Variants in GALNT13 observed in about 807,000 individuals in gnomAD.
GALNT13 encodes the protein UDP-GalNAc:polypeptide N-acetylgalactosaminyltransferase 13.
Under a neutral mutation model 64.2 loss-of-function variants are expected in GALNT13, and 28 were observed. That is an observed-to-expected ratio of 0.44 (90% CI 0.32 to 0.60). GALNT13 has a LOEUF of 0.60. Among genes scored for constraint, GALNT13 ranks in the 20% least tolerant of loss-of-function variants. The pLI, the probability that GALNT13 is intolerant of heterozygous loss-of-function variation, is 0.05. For synonymous variants in GALNT13, 214 were observed against 224.6 expected (o/e 0.95, Z 0.42); for missense variants, 577 against 669.8 (o/e 0.86, Z 1.53).
chr2:153,354,707 T>G, the GALNT13 span, among the ~76,000 whole-genome samples: 1 of 152,158 alleles, frequency 6.6e-6, no homozygotes, highest in Non-Finnish European at 1.5e-5. Flanking sequence ...CCCAGCATTT[T>G]TTGGTCCAGT....
intron 8 of GALNT13, among the ~76,000 whole-genome samples, chr2:154,261,209 A>C (rs1690676322): frequency 6.6e-6 from 1 of 152,176 alleles, no homozygotes; most frequent in Non-Finnish European, 1.5e-5. Flanking sequence ...AAGAATAATC[A>C]AATCCCTCAA....
the GALNT13 span, among the ~76,000 whole-genome samples, chr2:153,361,169 A>G: frequency 6.6e-6 from 1 of 152,124 alleles, no homozygotes; most frequent in Non-Finnish European, 1.5e-5. Flanking sequence ...AAACAAACAA[A>G]CAGGAATCAA....
chr2:153,569,142 T>C, the GALNT13 span, among the ~76,000 whole-genome samples: 1 of 152,186 alleles, frequency 6.6e-6, no homozygotes, highest in Admixed American at 6.5e-5. Flanking sequence ...CCATAGATTA[T>C]GCTTATGTTA....
chr2:153,970,568 C>A (rs960781135), intron 3 of GALNT13, among the ~76,000 whole-genome samples: 2 of 152,152 alleles, frequency 1.3e-5, no homozygotes, highest in African/African-American at 4.8e-5. Flanking sequence ...TTTATCACTT[C>A]AAACTTTACA....
the GALNT13 span, among the ~76,000 whole-genome samples, chr2:153,079,697 C>A: frequency 5.3e-5 from 8 of 152,162 alleles, no homozygotes; most frequent in Admixed American, 2.0e-4. Context: ...ATAATTTCAG[C>A]AGGCCCTAGG....
intron 4 of GALNT13, among the ~76,000 whole-genome samples, chr2:154,144,257 G>A (rs1683436750): frequency 1.3e-5 from 2 of 152,086 alleles, no homozygotes; most frequent in Admixed American, 1.3e-4. Context: ...TTGTAGAACT[G>A]CCTGGGAACA....
At chr2:153,650,249 G>C in the GALNT13 span, among the ~76,000 whole-genome samples, 1 of 152,110 alleles carries the variant, frequency 6.6e-6, no homozygotes, top group Admixed American at 6.6e-5. Flanking sequence ...GATCTTTGTT[G>C]GTTTAAAGTC....
the GALNT13 span, among the ~76,000 whole-genome samples, chr2:153,553,912 C>A: frequency 6.6e-6 from 1 of 152,088 alleles, no homozygotes; most frequent in Non-Finnish European, 1.5e-5. Context: ...AGCTTTGAGT[C>A]TCCACATGCT....
chr2:154,002,753 C>T (rs897696053), intron 3 of GALNT13, among the ~76,000 whole-genome samples: 4 of 152,144 alleles, frequency 2.6e-5, no homozygotes, highest in Admixed American at 1.3e-4. Context: ...ATAGCCACCT[C>T]TTCCATCTAT....
chr2:153,750,566 C>T, the GALNT13 span, among the ~76,000 whole-genome samples: 1 of 151,598 alleles, frequency 6.6e-6, no homozygotes, highest in Non-Finnish European at 1.5e-5. Flanking sequence ...TTGTATGTGT[C>T]TAGGAATTTT....
At chr2:154,347,777 C>T (rs1696153415) in intron 9 of GALNT13, among the ~76,000 whole-genome samples, 1 of 152,168 alleles carries the variant, frequency 6.6e-6, no homozygotes, top group African/African-American at 2.4e-5. Flanking sequence ...GCACAACTCT[C>T]AGAAGTAGTT....
chr2:153,229,549 A>T, the GALNT13 span, among the ~76,000 whole-genome samples: 1 of 152,248 alleles, frequency 6.6e-6, no homozygotes, highest in Non-Finnish European at 1.5e-5. Flanking sequence ...AATTGTTGGT[A>T]GAATGGGCCC....
intron 8 of GALNT13, among the ~76,000 whole-genome samples, chr2:154,269,904 G>GTATATATATATATATATA (rs1404105316): frequency 2.3e-4 from 3 of 13,168 alleles, no homozygotes; most frequent in Admixed American, 1.7e-3. Flanking sequence ...TTATATATAT[G>GTATATATATATATATATA]TGTATATATA....
intron 3 of GALNT13, among the ~76,000 whole-genome samples, chr2:154,017,547 C>T (rs1269688210): frequency 2.0e-5 from 3 of 152,054 alleles, no homozygotes; most frequent in African/African-American, 7.2e-5. Flanking sequence ...TTCATAAGTG[C>T]AACATTGAGA....
At chr2:154,321,360 C>T (rs568409037) in intron 9 of GALNT13, among the ~76,000 whole-genome samples, 4 of 152,190 alleles carry the variant, frequency 2.6e-5, no homozygotes, top group East Asian at 1.9e-4. Context: ...CCTATATTCC[C>T]GTAGCTGCTT....
the GALNT13 span, among the ~76,000 whole-genome samples, chr2:153,397,663 T>A: frequency 1.3e-5 from 2 of 151,386 alleles, no homozygotes; most frequent in African/African-American, 2.4e-5. Flanking sequence ...AAAAAAAGTA[T>A]CACCAAGGGG....
chr2:153,837,972 G>A, the GALNT13 span, among the ~76,000 whole-genome samples: 1 of 151,990 alleles, frequency 6.6e-6, no homozygotes, highest in Non-Finnish European at 1.5e-5. Flanking sequence ...TCTAACAAGT[G>A]TGAGGTGACA....
chr2:154,179,092 A>C (rs1454636316), intron 4 of GALNT13, among the ~76,000 whole-genome samples: 1 of 152,020 alleles, frequency 6.6e-6, no homozygotes, highest in Non-Finnish European at 1.5e-5. Flanking sequence ...ACTCTCACTT[A>C]TCCTTCGTGT....
chr2:154,349,336 T>G (rs756896637), intron 9 of GALNT13, among the ~76,000 whole-genome samples: 1 of 152,196 alleles, frequency 6.6e-6, no homozygotes, highest in Non-Finnish European at 1.5e-5. Flanking sequence ...ACAAGAAAAT[T>G]GCAAGGATCA....
Sources: allele counts gnomAD v4.1 joint callset (sites outside exome capture counted in the v4.1 genomes callset), GRCh38; gene constraint gnomAD v4.1.1; transcripts MANE v1.5; gene names NCBI Gene and HGNC (gene_info 2026-07-23, HGNC 2026-07-21).